The following NRG3 variants were observed in gnomAD, a reference collection of about 807,000 sequenced individuals.
NRG3 encodes neuregulin 3.
NRG3 carries 31 observed loss-of-function variants against 66.9 expected under a neutral mutation model. That is an observed-to-expected ratio of 0.46 (90% CI 0.35 to 0.63). The LOEUF is 0.63. Among genes scored for constraint, NRG3 ranks in the 20% least tolerant of loss-of-function variants. The pLI is 0.00. For missense variants in NRG3, 910 were observed against 878.9 expected (o/e 1.04, Z -0.45); for synonymous variants, 393 against 359.4 (o/e 1.09, Z -1.06).
Position 82,045,898 on chromosome 10 carries a change from A to G in NRG3, c.823+169735A>G, listed in dbSNP as rs1267735567. ...GTTGTAGATATGCGGTGTTATTTCT[A>G]AGGGCTCTGTTCTGTTCCATTGATT... On this transcript the variant is annotated intron_variant, in intron 1 of 8. Coordinates refer to ENST00000372141, the MANE Select transcript of NRG3 (RefSeq NM_001010848.4). Among the ~76,000 whole-genome samples, 4 of 150,766 alleles carry G rather than the reference A, an allele frequency of 2.7e-5. No individual in the cohort carries two copies. The East Asian group carries it at 5.9e-4, about 22-fold the overall frequency.
intron 3 of NRG3, among the ~76,000 whole-genome samples, chr10:82,832,753 C>T (rs1351567832): frequency 6.6e-6 from 1 of 151,490 alleles, no homozygotes; most frequent in Non-Finnish European, 1.5e-5. Flanking sequence ...TGAAAAAGTG[C>T]TTAAGACATA....
chr10:82,603,433 C>A (rs2047757938), intron 2 of NRG3, among the ~76,000 whole-genome samples: 2 of 152,160 alleles, frequency 1.3e-5, no homozygotes, highest in South Asian at 4.1e-4. Context: ...AACTGGTCAT[C>A]TTTGAATATC....
chr10:82,067,582 A>G (rs1471105566), intron 1 of NRG3, among the ~76,000 whole-genome samples: 1 of 152,208 alleles, frequency 6.6e-6, no homozygotes, highest in Non-Finnish European at 1.5e-5. Context: ...TGCTGACCTC[A>G]GGTGATCCGC....
At chr10:81,997,273 C>T (rs1191377011) in intron 1 of NRG3, among the ~76,000 whole-genome samples, 1 of 152,154 alleles carries the variant, frequency 6.6e-6, no homozygotes, top group Non-Finnish European at 1.5e-5. Flanking sequence ...TGGCCTCCAG[C>T]TAAGTCAAGC....
intron 1 of NRG3, among the ~76,000 whole-genome samples, chr10:82,174,923 C>A (rs1042586947): frequency 6.6e-6 from 1 of 152,146 alleles, no homozygotes; most frequent in Admixed American, 6.6e-5. Flanking sequence ...TTTCAATTTA[C>A]AAATTCCTGA....
intron 2 of NRG3, among the ~76,000 whole-genome samples, chr10:82,580,471 A>G (rs2133207147): frequency 6.6e-6 from 1 of 152,138 alleles, no homozygotes; most frequent in African/African-American, 2.4e-5. Flanking sequence ...TGACAAACAC[A>G]TGATGTCATG....
chr10:82,842,999 A>G (rs1375541289), intron 3 of NRG3, among the ~76,000 whole-genome samples: 1 of 152,248 alleles, frequency 6.6e-6, no homozygotes, highest in African/African-American at 2.4e-5. Flanking sequence ...TTATAACAAT[A>G]TACTGTACTA....
At chr10:81,962,763 C>G (rs562651390) in intron 1 of NRG3, among the ~76,000 whole-genome samples, 1 of 152,312 alleles carries the variant, frequency 6.6e-6, no homozygotes, top group East Asian at 1.9e-4. Flanking sequence ...GATGGCTCCT[C>G]CAGTCACATG....
At chr10:82,790,274 T>C (rs1381377831) in intron 3 of NRG3, among the ~76,000 whole-genome samples, 1 of 152,130 alleles carries the variant, frequency 6.6e-6, no homozygotes, top group African/African-American at 2.4e-5. Flanking sequence ...GTATTTCTTG[T>C]AGGGCAGGTC....
At chr10:82,524,868 T>C (rs889005918) in intron 2 of NRG3, among the ~76,000 whole-genome samples, 1 of 151,936 alleles carries the variant, frequency 6.6e-6, no homozygotes, top group African/African-American at 2.4e-5. Context: ...CTTAGCATTT[T>C]CTACATTTTT....
At chr10:82,415,292 G>A (rs2088461750) in intron 2 of NRG3, among the ~76,000 whole-genome samples, 1 of 152,110 alleles carries the variant, frequency 6.6e-6, no homozygotes, top group South Asian at 2.1e-4. Context: ...CGTTCATATG[G>A]TTGCATGCCC....
chr10:82,808,218 A>C (rs888408058), intron 3 of NRG3, among the ~76,000 whole-genome samples: 2 of 151,180 alleles, frequency 1.3e-5, no homozygotes, highest in Non-Finnish European at 2.9e-5. Context: ...AAAGCACAGT[A>C]GTCAAGTCGC....
At chr10:82,409,186 T>A (rs1037773263) in intron 2 of NRG3, among the ~76,000 whole-genome samples, 2 of 152,178 alleles carry the variant, frequency 1.3e-5, no homozygotes, top group African/African-American at 4.8e-5. Flanking sequence ...CTTCAATAAT[T>A]AGGCCTAAAG....
chr10:82,165,696 C>CT (rs1292123660), intron 1 of NRG3, among the ~76,000 whole-genome samples: 4 of 151,194 alleles, frequency 2.6e-5, no homozygotes, highest in Admixed American at 1.3e-4. Context: ...TTGTGAGTTT[C>CT]TTTTTTTTGA....
chr10:82,032,520 A>G (rs547964610), intron 1 of NRG3, among the ~76,000 whole-genome samples: 23 of 152,174 alleles, frequency 1.5e-4, no homozygotes, highest in Middle Eastern at 6.8e-3. Context: ...GAAAATTCTC[A>G]TTATGGAGAC....
Position 82,273,545 on chromosome 10 carries a change from C to T in NRG3, c.824-85194C>T, listed in dbSNP as rs369666191. On this transcript the variant is annotated intron_variant, in intron 1 of 8. Transcript: ENST00000372141. ...AATTTTAATGGGCCATTTGAAATTG[C>T]AATAATTGAAGAAAATGTTTCAAAA... 1.3e-4 allele frequency among the ~76,000 whole-genome samples: 20 copies of T among 151,880 alleles called. No homozygotes were observed. In the South Asian group the frequency reaches 2.5e-3, roughly 19 times the overall value.
At chr10:82,737,790 C>A (rs1591366012) in intron 2 of NRG3, among the ~76,000 whole-genome samples, 1 of 152,158 alleles carries the variant, frequency 6.6e-6, no homozygotes, top group Non-Finnish European at 1.5e-5. Flanking sequence ...ATTGAGCGAG[C>A]TATGTGAAGA....
chr10:82,621,644 A>T (rs974606389), intron 2 of NRG3, among the ~76,000 whole-genome samples: 2 of 152,284 alleles, frequency 1.3e-5, no homozygotes, highest in East Asian at 3.9e-4. Context: ...GACTGGGGGG[A>T]GATAGTAAAA....
chr10:82,115,255 A>G (rs1469166097), intron 1 of NRG3, among the ~76,000 whole-genome samples: 1 of 151,978 alleles, frequency 6.6e-6, no homozygotes, highest in African/African-American at 2.4e-5. Flanking sequence ...GAGCTTCCCC[A>G]CCTCTCCCTA....
Sources: allele counts gnomAD v4.1 joint callset (sites outside exome capture counted in the v4.1 genomes callset), GRCh38; gene constraint gnomAD v4.1.1; transcripts MANE v1.5; gene names NCBI Gene and HGNC (gene_info 2026-07-23, HGNC 2026-07-21).